Variants in COL5A2 observed in about 807,000 individuals in gnomAD.
COL5A2 encodes the protein collagen alpha-2(V) chain.
Under a neutral mutation model 208.2 loss-of-function variants are expected in COL5A2, and 23 were observed. The observed-to-expected ratio is 0.11, with a 90% CI of 0.08 to 0.16. The LOEUF is 0.16. COL5A2 is among the 10% of genes least tolerant of loss of function. The probability of loss-of-function intolerance (pLI) is 1.00; values close to 1 mark genes in which losing one functional copy is unlikely to be tolerated. For synonymous variants in COL5A2, 625 were observed against 628.5 expected (o/e 0.99, Z 0.08); for missense variants, 1,590 against 1,956.4 (o/e 0.81, Z 3.53).
intron 1 of COL5A2, among the ~76,000 whole-genome samples, chr2:189,131,358 C>T (rs1687711235): frequency 6.6e-6 from 1 of 152,014 alleles, no homozygotes; most frequent in Non-Finnish European, 1.5e-5. Flanking sequence ...AAATGCAAAG[C>T]ATCAAAAAGG....
At chr2:189,139,767 G>A (rs1687900469) in intron 1 of COL5A2, among the ~76,000 whole-genome samples, 1 of 152,170 alleles carries the variant, frequency 6.6e-6, no homozygotes. Context: ...AAATTAGAAA[G>A]TATATTTTAA....
At chr2:189,398,369 TAA>T in the COL5A2 span, among the ~76,000 whole-genome samples, 1 of 152,304 alleles carries the variant, frequency 6.6e-6, no homozygotes, top group East Asian at 1.9e-4. Context: ...AATGTTATGT[TAA>T]AGTCTTCCAC....
intron 1 of COL5A2, among the ~76,000 whole-genome samples, chr2:189,164,019 G>A (rs570512792): frequency 4.5e-4 from 69 of 152,234 alleles, no homozygotes; most frequent in African/African-American, 1.3e-3. Flanking sequence ...ATCTTTAACT[G>A]CATGTTTCTC....
the COL5A2 span, among the ~76,000 whole-genome samples, chr2:189,394,510 C>T: frequency 6.6e-6 from 1 of 152,196 alleles, no homozygotes; most frequent in African/African-American, 2.4e-5. Flanking sequence ...TGCTCTCTAA[C>T]ATATTCTCTG....
chr2:189,044,158 A>G (rs1339580305), intron 47 of COL5A2, among the ~76,000 whole-genome samples: 1 of 152,134 alleles, frequency 6.6e-6, no homozygotes, highest in Non-Finnish European at 1.5e-5. Flanking sequence ...CTGAATCCCT[A>G]TTTATCTGAC....
intron 1 of COL5A2, among the ~76,000 whole-genome samples, chr2:189,175,313 G>A (rs929848142): frequency 6.6e-5 from 10 of 152,022 alleles, no homozygotes; most frequent in East Asian, 1.9e-4. Context: ...GGTGGGGAAT[G>A]GCTCACAGTT....
chr2:189,434,164 T>C, the COL5A2 span, among the ~76,000 whole-genome samples: 7 of 152,194 alleles, frequency 4.6e-5, no homozygotes, highest in East Asian at 1.9e-4. Context: ...AAATTAGGTA[T>C]TGATGGGATG....
At chr2:189,051,170 TCCTAAAGCC>T in intron 42 of COL5A2, 141 bp downstream of exon 42, 2 of 886,132 alleles carry the variant, frequency 2.3e-6, no homozygotes, top group Admixed American at 2.8e-5. Flanking sequence ...TACACGTTTT[TCCTAAAGCC>T]TTATAGATTT....
chr2:189,264,933 G>T, the COL5A2 span, among the ~76,000 whole-genome samples: 1 of 152,110 alleles, frequency 6.6e-6, no homozygotes, highest in Admixed American at 6.5e-5. Flanking sequence ...CTGGAAAATT[G>T]ATCTTTTACT....
chr2:189,139,928 C>G (rs890038934), intron 1 of COL5A2, among the ~76,000 whole-genome samples: 2 of 152,032 alleles, frequency 1.3e-5, no homozygotes, highest in Non-Finnish European at 2.9e-5. Flanking sequence ...CAAAAATTAG[C>G]TGGGCATGGT....
intron 2 of COL5A2, among the ~76,000 whole-genome samples, chr2:189,109,022 G>A (rs546090521): frequency 2.2e-4 from 33 of 148,870 alleles, no homozygotes; most frequent in Non-Finnish European, 3.7e-4. Flanking sequence ...TTTTCACATG[G>A]TCTATAGCAA....
intron 23 of COL5A2, among the ~76,000 whole-genome samples, chr2:189,065,375 C>T (rs1226063037): frequency 6.6e-6 from 1 of 152,042 alleles, no homozygotes; most frequent in African/African-American, 2.4e-5. Flanking sequence ...ACTAAAAATA[C>T]AAAAATTAGC....
the COL5A2 span, among the ~76,000 whole-genome samples, chr2:189,246,859 A>G: frequency 6.6e-6 from 1 of 152,236 alleles, no homozygotes; most frequent in East Asian, 1.9e-4. Context: ...GTTTGAAGCC[A>G]TAAGACTCAG....
intron 1 of COL5A2, among the ~76,000 whole-genome samples, chr2:189,143,956 A>G (rs943064660): frequency 2.0e-5 from 3 of 152,170 alleles, no homozygotes; most frequent in Admixed American, 1.3e-4. Context: ...AGAACTAGAC[A>G]TGGTAATGAA....
At chr2:189,159,934 TA>T (rs1413044359) in intron 1 of COL5A2, among the ~76,000 whole-genome samples, 2 of 151,904 alleles carry the variant, frequency 1.3e-5, no homozygotes, top group Non-Finnish European at 1.5e-5. Flanking sequence ...TTGTTTTAAA[TA>T]AAACAGTAAA....
At chr2:189,327,767 A>T in the COL5A2 span, among the ~76,000 whole-genome samples, 227 of 152,360 alleles carry the variant, frequency 1.5e-3, no homozygotes, top group Non-Finnish European at 2.9e-3. Context: ...AGTTTAAAAC[A>T]ATACTGAGTT....
At chr2:189,054,933 G>C (rs1685872255) in intron 35 of COL5A2, among the ~76,000 whole-genome samples, 1 of 151,668 alleles carries the variant, frequency 6.6e-6, no homozygotes, top group Non-Finnish European at 1.5e-5. Context: ...GCCTAGGCTG[G>C]AGTGCAGTGG....
chr2:189,298,497 G>C, the COL5A2 span, among the ~76,000 whole-genome samples: 1 of 152,130 alleles, frequency 6.6e-6, no homozygotes, highest in Non-Finnish European at 1.5e-5. Context: ...TAGGGTGGCC[G>C]AAGTCTGCTT....
At chr2:189,079,010 A>G in intron 15 of COL5A2, 53 bp downstream of exon 15, 1 of 1,362,884 alleles carries the variant, frequency 7.3e-7, no homozygotes, top group South Asian at 1.2e-5. Flanking sequence ...GTAATCTAAA[A>G]GGCAAGGAAA....
Sources: gnomAD v4.1 joint callset for allele counts (sites outside exome capture counted in the v4.1 genomes callset) on GRCh38, gnomAD v4.1.1 for gene constraint, MANE v1.5 for transcripts, NCBI Gene and HGNC (gene_info 2026-07-23, HGNC 2026-07-21) for gene names.